The following CNTN4 variants were observed in gnomAD, a reference collection of about 807,000 sequenced individuals.
CNTN4 encodes contactin 4, also known as contactin-4.
Under a neutral mutation model 122.5 loss-of-function variants are expected in CNTN4, and 77 were observed. The ratio of observed to expected loss-of-function variants is 0.63; its 90% CI spans 0.52 to 0.76. CNTN4 has a LOEUF of 0.76. Ranked by LOEUF, CNTN4 falls within the 30% of genes least tolerant of loss-of-function variation. The pLI, the probability that CNTN4 is intolerant of heterozygous loss-of-function variation, is 0.00. For synonymous variants in CNTN4, 512 were observed against 447.0 expected (o/e 1.15, Z -1.83); for missense variants, 1,256 against 1,259.1 (o/e 1.00, Z 0.04).
At chr3:2,348,169 A>G (rs142461727) in intron 3 of CNTN4, among the ~76,000 whole-genome samples, 118 of 152,310 alleles carry the variant, frequency 7.7e-4, no homozygotes, top group African/African-American at 2.7e-3. Flanking sequence ...TTTAGGATAT[A>G]AAAGGTCACA....
chr3:2,884,990 A>G (rs989585897), intron 9 of CNTN4, among the ~76,000 whole-genome samples: 1 of 152,342 alleles, frequency 6.6e-6, no homozygotes, highest in South Asian at 2.1e-4. Flanking sequence ...TCTCATCAGT[A>G]TAAAGACACC....
chr3:2,620,186 G>A (rs1344906313), intron 4 of CNTN4, among the ~76,000 whole-genome samples: 2 of 152,182 alleles, frequency 1.3e-5, no homozygotes, highest in Non-Finnish European at 2.9e-5. Context: ...TGGTGATGCA[G>A]AAAGTGGTTT....
chr3:2,299,327 A>G (rs2042420617), intron 2 of CNTN4, among the ~76,000 whole-genome samples: 1 of 152,134 alleles, frequency 6.6e-6, no homozygotes, highest in Non-Finnish European at 1.5e-5. Flanking sequence ...ATGAAAACAA[A>G]CTCATTATTT....
chr3:2,266,822 A>G (rs991062110), intron 2 of CNTN4, among the ~76,000 whole-genome samples: 3 of 152,102 alleles, frequency 2.0e-5, no homozygotes, highest in Admixed American at 6.6e-5. Flanking sequence ...AGCTGCCACC[A>G]CAGTCAAGCA....
chr3:2,482,550 G>A (rs2076035046), intron 3 of CNTN4, among the ~76,000 whole-genome samples: 1 of 152,154 alleles, frequency 6.6e-6, no homozygotes, highest in South Asian at 2.1e-4. Context: ...GTATGTCACA[G>A]ACCTTCAGGA....
At chr3:2,190,475 A>AG (rs1467019188) in intron 2 of CNTN4, among the ~76,000 whole-genome samples, 3 of 152,112 alleles carry the variant, frequency 2.0e-5, no homozygotes, top group African/African-American at 7.2e-5. Context: ...ATGGGCATAA[A>AG]GGGTCTTTAG....
intron 13 of CNTN4, among the ~76,000 whole-genome samples, chr3:2,973,395 C>T (rs947626642): frequency 6.6e-6 from 1 of 151,980 alleles, no homozygotes; most frequent in African/African-American, 2.4e-5. Flanking sequence ...TTTTTGGTGA[C>T]ATCTCTGTTT....
intron 13 of CNTN4, among the ~76,000 whole-genome samples, chr3:2,970,607 T>C (rs1404020620): frequency 6.6e-6 from 1 of 151,696 alleles, no homozygotes; most frequent in Non-Finnish European, 1.5e-5. Context: ...TCACTACACC[T>C]GGCTAATTTT....
intron 2 of CNTN4, among the ~76,000 whole-genome samples, chr3:2,170,906 T>A (rs2036473419): frequency 6.6e-6 from 1 of 152,050 alleles, no homozygotes; most frequent in Non-Finnish European, 1.5e-5. Flanking sequence ...ACTGAAAAAA[T>A]GGTCTATTTT....
chr3:2,479,346 T>C (rs2075920063), intron 3 of CNTN4, among the ~76,000 whole-genome samples: 1 of 152,166 alleles, frequency 6.6e-6, no homozygotes, highest in Non-Finnish European at 1.5e-5. Context: ...GAAAACCTTT[T>C]AAATGGCTTA....
intron 2 of CNTN4, among the ~76,000 whole-genome samples, chr3:2,183,627 A>G (rs2037118973): frequency 6.6e-6 from 1 of 152,130 alleles, no homozygotes; most frequent in Non-Finnish European, 1.5e-5. Context: ...GTTAGTCTTT[A>G]TCTGTTTGTT....
At position 2,887,074 on chromosome 3, in the gene CNTN4, G is replaced by A; in HGVS notation, c.790G>A (p.Gly264Arg). The change falls in exon 10 of 25, where the codon GGA (glycine) becomes AGA (arginine). Residue 264 changes from glycine to arginine, a missense_variant. Physicochemically the swap from Gly to Arg is moderately radical, Grantham distance 125 (BLOSUM62 -2). Transcript: ENST00000418658. ...VPTIIWRRAD[G>R]KPIARKARRH... ...AACTATTATCTGGCGAAGAGCTGAT[G>A]GAAAGCCAATAGCAAGGAAAGCCAG... 6.2e-7 allele frequency: 1 copy of A among 1,614,032 alleles called. No individual in the cohort carries two copies. The highest frequency in any genetic ancestry group is 1.7e-4 in the Middle Eastern group (1 of 6,060).
Position 2,206,992 on chromosome 3 carries a change from T to A in CNTN4, c.-145+106353T>A, listed in dbSNP as rs190751660. Among the ~76,000 whole-genome samples the A allele has an allele frequency of 1.1e-4, 16 of 152,064 alleles. No individual in the cohort carries two copies. In the East Asian group the frequency reaches 2.9e-3, roughly 28 times the overall value. On this transcript the variant is annotated intron_variant, in intron 2 of 24. Coordinates refer to ENST00000418658, the MANE Select transcript of CNTN4 (RefSeq NM_175607.3). ...CACTTTGTGTCTCTTTGTAACATTTTGGTAATTCTCTCAATATTTCAGACT... is the reference window on the plus strand; with the variant it reads ...CACTTTGTGTCTCTTTGTAACATTTAGGTAATTCTCTCAATATTTCAGACT...
chr3:2,924,472 C>T (rs1300254792), intron 12 of CNTN4, among the ~76,000 whole-genome samples: 1 of 152,088 alleles, frequency 6.6e-6, no homozygotes, highest in Non-Finnish European at 1.5e-5. Flanking sequence ...ATTAAGATTC[C>T]AAGAAATGAA....
Position 2,895,870 on chromosome 3 carries a change from T to TA in CNTN4, c.941-4810dup, listed in dbSNP as rs1364386581. Among the ~76,000 whole-genome samples the TA allele has an allele frequency of 4.6e-5, 7 of 152,162 alleles. No individual in the cohort carries two copies. The East Asian group carries it at 9.7e-4, about 21-fold the overall frequency. On this transcript the variant is annotated intron_variant, in intron 10 of 24. Coordinates refer to ENST00000418658, the MANE Select transcript of CNTN4 (RefSeq NM_175607.3). The stretch of plus-strand genomic sequence containing the variant: ...TAACAGGGTGAAACCCCGTCTCTAC[T>TA]AAAAATACAAAAATTAGCCGAGCGT...
chr3:2,832,023 C>G (rs538659480), intron 7 of CNTN4, among the ~76,000 whole-genome samples: 13 of 152,336 alleles, frequency 8.5e-5, no homozygotes, highest in African/African-American at 3.1e-4. Context: ...TATGACAGCT[C>G]TCTAACATTA....
At chr3:2,287,786 A>G (rs572743912) in intron 2 of CNTN4, among the ~76,000 whole-genome samples, 21 of 150,896 alleles carry the variant, frequency 1.4e-4, no homozygotes, top group African/African-American at 5.1e-4. Context: ...AAGGAGAAGA[A>G]GAGGAGGAAG....
At chr3:3,006,751 G>C (rs372744595) in intron 14 of CNTN4, among the ~76,000 whole-genome samples, 3 of 152,150 alleles carry the variant, frequency 2.0e-5, no homozygotes, top group African/African-American at 7.2e-5. Flanking sequence ...AACTCCAGAC[G>C]TTCTTAGCAG....
At position 2,504,762 on chromosome 3, in the gene CNTN4, T is replaced by C. The variant is rs964969630; in HGVS notation, c.-88-66654T>C. Among the ~76,000 whole-genome samples, 12 of 152,208 alleles carry C rather than the reference T, an allele frequency of 7.9e-5. 1 individual carries two copies. The highest frequency in any genetic ancestry group is 1.7e-4 in the African/African-American group (7 of 41,458). ...GACCATACCTTCCTCCTCTATGTAG[T>C]ATTCTTCAAAACATTTGAATTAATC... On this transcript the variant is annotated intron_variant, in intron 3 of 24. Coordinates refer to ENST00000418658, the MANE Select transcript of CNTN4 (RefSeq NM_175607.3).
Sources: allele counts gnomAD v4.1 joint callset (sites outside exome capture counted in the v4.1 genomes callset), GRCh38; gene constraint gnomAD v4.1.1; transcripts MANE v1.5; gene names NCBI Gene and HGNC (gene_info 2026-07-23, HGNC 2026-07-21).